The following AFF2 variants were observed in gnomAD, a reference collection of about 807,000 sequenced individuals.
The protein encoded by AFF2 is ALF transcription elongation factor 2.
In AFF2, 14 loss-of-function variants were observed where a neutral mutation model predicts 76.9. The observed-to-expected ratio is 0.18, with a 90% CI of 0.12 to 0.28. The LOEUF (loss-of-function observed/expected upper bound fraction) is 0.28, where lower values mean the gene tolerates loss of function less well. AFF2 is among the 10% of genes least tolerant of loss of function. The pLI is 1.00. For missense variants in AFF2, 868 were observed against 1,001.1 expected, an observed-to-expected ratio of 0.87 and a Z score of 1.79; for synonymous variants, 398 against 366.7, an observed-to-expected ratio of 1.09 and a Z score of -0.98.
intron 7 of AFF2, among the ~76,000 whole-genome samples, chrX:148,872,503 A>G (rs1359984874): frequency 2.9e-4 from 33 of 112,115 alleles, no homozygotes; most frequent in Non-Finnish European, 1.9e-5. Context: ...GATCTATCAC[A>G]TCATGTTTAT....
intron 3 of AFF2, among the ~76,000 whole-genome samples, chrX:148,804,428 T>C (rs991135294): frequency 2.7e-5 from 3 of 112,618 alleles, no homozygotes; most frequent in Non-Finnish European, 5.6e-5. Context: ...GGTTACCTTT[T>C]AGTTTTATGT....
chrX:148,651,968 T>A lies in AFF2; in HGVS notation c.48-31T>A, dbSNP rs139180816. ...TGACTTGCATGATTAATTAATCTTT[T>A]TCTCTTTTTGTCTTTTCCTTTTCAT... On this transcript the variant is annotated intron_variant, in intron 1 of 20. Coordinates refer to ENST00000370460, the MANE Select transcript of AFF2 (RefSeq NM_002025.4). 17 of 1,131,511 alleles carry A rather than the reference T, an allele frequency of 1.5e-5. No individual in the cohort carries two copies. The East Asian group carries it at 5.2e-4, about 35-fold the overall frequency. 93.2% of individuals were successfully genotyped at this position (1,131,511 alleles called of 1,213,427 possible).
intron 1 of AFF2, among the ~76,000 whole-genome samples, chrX:148,596,918 C>A (rs1290428842): frequency 9.0e-6 from 1 of 111,651 alleles, no homozygotes; most frequent in Admixed American, 9.5e-5. Context: ...CCAATAAATT[C>A]TCAGCACTAC....
chrX:148,988,841 C>A (rs1269877319), intron 20 of AFF2, among the ~76,000 whole-genome samples: 2 of 112,087 alleles, frequency 1.8e-5, no homozygotes, highest in Non-Finnish European at 3.8e-5. Flanking sequence ...ATTGCTTTAT[C>A]ATTTGTTGTC....
rs141926466 is a variant in AFF2 at position 148,556,130 on chromosome X, C to T, written c.47+54986C>T. Among the ~76,000 whole-genome samples, 121 of 111,957 alleles carry T rather than the reference C, an allele frequency of 1.1e-3. No homozygotes were observed. In the East Asian group the frequency reaches 0.03, roughly 28 times the overall value. On this transcript the variant is annotated intron_variant, in intron 1 of 20. Transcript: ENST00000370460. ...TTTTAGCTCAGTTTCACATCTCTAC[C>T]CCAAGGCATTAGATGCCGCTAATTC...
chrX:148,697,947 T>C (rs1325052262), intron 3 of AFF2, among the ~76,000 whole-genome samples: 11 of 112,711 alleles, frequency 9.8e-5, no homozygotes, highest in African/African-American at 3.5e-4. Flanking sequence ...GAATGTAAAA[T>C]ACCAGGACAG....
chrX:148,823,729 T>A (rs1295205123), intron 4 of AFF2, among the ~76,000 whole-genome samples: 1 of 112,205 alleles, frequency 8.9e-6, no homozygotes, highest in African/African-American at 3.2e-5. Flanking sequence ...AATACATTGA[T>A]CAAATTCAAC....
At chrX:148,681,076 G>A (rs1458317597) in intron 3 of AFF2, among the ~76,000 whole-genome samples, 3 of 111,709 alleles carry the variant, frequency 2.7e-5, no homozygotes, top group African/African-American at 9.8e-5. Flanking sequence ...CTTTGGAAAG[G>A]GATAGAGCCA....
intron 1 of AFF2, among the ~76,000 whole-genome samples, chrX:148,504,680 C>G (rs1261955321): frequency 3.5e-5 from 4 of 113,207 alleles, no homozygotes; most frequent in Non-Finnish European, 5.6e-5. Context: ...AGGGCCTGCC[C>G]CAGCAGTCCG....
At chrX:148,787,896 C>G (rs1462411509) in intron 3 of AFF2, among the ~76,000 whole-genome samples, 1 of 112,263 alleles carries the variant, frequency 8.9e-6, no homozygotes, top group Non-Finnish European at 1.9e-5. Context: ...GACTCTAGAG[C>G]AAGGGAGTTA....
intron 3 of AFF2, among the ~76,000 whole-genome samples, chrX:148,681,047 G>A (rs1354446982): frequency 2.7e-5 from 3 of 111,534 alleles, no homozygotes; most frequent in Admixed American, 9.5e-5. Context: ...AGACCTTTGC[G>A]GTAGTGAGAG....
At chrX:148,842,449 T>C (rs1367055677) in intron 5 of AFF2, among the ~76,000 whole-genome samples, 1 of 112,718 alleles carries the variant, frequency 8.9e-6, no homozygotes, top group Non-Finnish European at 1.9e-5. Context: ...ATATATAAAA[T>C]GAGGTACATC....
At chrX:148,861,770 C>T (rs182119648) in intron 7 of AFF2, among the ~76,000 whole-genome samples, 54 of 111,503 alleles carry the variant, frequency 4.8e-4, no homozygotes, top group Non-Finnish European at 8.3e-4. Context: ...TTCACTCCAC[C>T]TTTACTCCAG....
chrX:148,663,883 TA>T (rs1476665961), intron 3 of AFF2, among the ~76,000 whole-genome samples: 1 of 112,064 alleles, frequency 8.9e-6, no homozygotes, highest in Non-Finnish European at 1.9e-5. Flanking sequence ...GATGGGAACA[TA>T]AAGGGAGGGA....
At chrX:148,786,539 T>G (rs1557269521) in intron 3 of AFF2, among the ~76,000 whole-genome samples, 1 of 112,008 alleles carries the variant, frequency 8.9e-6, no homozygotes, top group Non-Finnish European at 1.9e-5. Context: ...CGCCATCTTA[T>G]CCATTCTTGT....
At chrX:148,796,188 A>T (rs942743476) in intron 3 of AFF2, among the ~76,000 whole-genome samples, 4 of 109,431 alleles carry the variant, frequency 3.7e-5, no homozygotes, top group African/African-American at 1.3e-4. Flanking sequence ...ATATGTCTTC[A>T]CCACAAATCT....
chrX:148,952,009 C>A (rs927536354), intron 9 of AFF2, among the ~76,000 whole-genome samples: 1 of 112,130 alleles, frequency 8.9e-6, no homozygotes, highest in Non-Finnish European at 1.9e-5. Context: ...ATTAAAGGGC[C>A]AGTCTTTAAG....
chrX:148,663,761 A>G (rs868914774), intron 3 of AFF2, among the ~76,000 whole-genome samples: 1 of 111,740 alleles, frequency 8.9e-6, no homozygotes, highest in Non-Finnish European at 1.9e-5. Flanking sequence ...GTCTGTCTGA[A>G]TGGTTGTAGA....
At chrX:148,778,983 G>A (rs2069705086) in intron 3 of AFF2, among the ~76,000 whole-genome samples, 1 of 111,162 alleles carries the variant, frequency 9.0e-6, no homozygotes, top group Admixed American at 9.6e-5. Context: ...GGCATTTAGT[G>A]CTATAAATTT....
Sources: gnomAD v4.1 joint callset for allele counts (sites outside exome capture counted in the v4.1 genomes callset) on GRCh38, gnomAD v4.1.1 for gene constraint, MANE v1.5 for transcripts, NCBI Gene and HGNC (gene_info 2026-07-23, HGNC 2026-07-21) for gene names.